The following RALYL variants were observed in gnomAD, a reference collection of about 807,000 sequenced individuals.
RALYL encodes the protein RNA-binding Raly-like protein.
RALYL carries 29 observed loss-of-function variants against 35.1 expected under a neutral mutation model. The observed-to-expected ratio is 0.83, with a 90% CI of 0.61 to 1.13. The LOEUF (loss-of-function observed/expected upper bound fraction) is 1.13. RALYL is among the 50% of genes most tolerant of loss of function. The pLI is 0.00. For missense variants in RALYL, 359 were observed against 360.4 expected, an observed-to-expected ratio of 1.00 and a Z score of 0.03; for synonymous variants, 120 against 127.6, an observed-to-expected ratio of 0.94 and a Z score of 0.40.
chr8:84,725,925 C>T (rs1043404316), intron 2 of RALYL, among the ~76,000 whole-genome samples: 5 of 151,384 alleles, frequency 3.3e-5, no homozygotes, highest in Admixed American at 1.3e-4. Context: ...TCATCAGTTT[C>T]GTTTAAATTT....
chr8:84,390,433 G>A (rs954931694), intron 1 of RALYL, among the ~76,000 whole-genome samples: 2 of 152,032 alleles, frequency 1.3e-5, no homozygotes, highest in African/African-American at 2.4e-5. Context: ...ATTCCTCCTT[G>A]TACCTCTGGT....
At chr8:84,696,647 T>C (rs969562964) in intron 2 of RALYL, among the ~76,000 whole-genome samples, 6 of 151,666 alleles carry the variant, frequency 4.0e-5, no homozygotes, top group Non-Finnish European at 8.9e-5. Context: ...TTTGCCAAAC[T>C]AAAGAAGTTT....
intron 2 of RALYL, among the ~76,000 whole-genome samples, chr8:84,695,186 T>C (rs1838886379): frequency 2.0e-5 from 3 of 151,818 alleles, no homozygotes; most frequent in Admixed American, 2.0e-4. Flanking sequence ...TTTACACATA[T>C]GTTTCAGCAG....
chr8:84,193,561 G>T (rs1814507386), intron 1 of RALYL, among the ~76,000 whole-genome samples: 1 of 152,174 alleles, frequency 6.6e-6, no homozygotes, highest in Non-Finnish European at 1.5e-5. Context: ...AATGCTGACT[G>T]CAAAGAGTTT....
At chr8:84,389,246 C>G (rs1860014994) in intron 1 of RALYL, among the ~76,000 whole-genome samples, 2 of 152,034 alleles carry the variant, frequency 1.3e-5, no homozygotes, top group South Asian at 4.1e-4. Context: ...GTTACTGTAG[C>G]CTTGTAGTAT....
intron 2 of RALYL, among the ~76,000 whole-genome samples, chr8:84,686,972 T>G (rs139398392): frequency 6.6e-6 from 1 of 152,300 alleles, no homozygotes; most frequent in Non-Finnish European, 1.5e-5. Context: ...CATTAAATAT[T>G]ACAAATAGTC....
chr8:84,838,856 C>T (rs1328253609), intron 4 of RALYL, among the ~76,000 whole-genome samples: 1 of 152,200 alleles, frequency 6.6e-6, no homozygotes, highest in Non-Finnish European at 1.5e-5. Flanking sequence ...TTACTGTCAT[C>T]TATATTAATA....
chr8:84,346,176 A>G, intron 1 of RALYL: 1 of 496,064 alleles, frequency 2.0e-6, no homozygotes, highest in Non-Finnish European at 2.6e-6. Context: ...ATGTTTGAAT[A>G]AAATATTGCA....
chr8:84,799,990 G>A (rs1168850856), intron 3 of RALYL, among the ~76,000 whole-genome samples: 1 of 152,010 alleles, frequency 6.6e-6, no homozygotes, highest in East Asian at 1.9e-4. Context: ...AATAAGGGAG[G>A]AAGACAGTAA....
chr8:84,289,349 G>A (rs1838312597), intron 1 of RALYL, among the ~76,000 whole-genome samples: 1 of 152,124 alleles, frequency 6.6e-6, no homozygotes, highest in Non-Finnish European at 1.5e-5. Flanking sequence ...AAAAAATGCT[G>A]TAAGAAAAGG....
intron 2 of RALYL, among the ~76,000 whole-genome samples, chr8:84,750,421 C>T (rs1809688483): frequency 6.6e-6 from 1 of 151,864 alleles, no homozygotes; most frequent in South Asian, 2.1e-4. Context: ...TTGTTTTTAC[C>T]CCTTGTGTGA....
chr8:84,688,927 G>A (rs1000416977), intron 2 of RALYL, among the ~76,000 whole-genome samples: 3 of 151,922 alleles, frequency 2.0e-5, no homozygotes, highest in African/African-American at 7.2e-5. Context: ...AATTTCTCAA[G>A]AGAAGACATA....
intron 2 of RALYL, among the ~76,000 whole-genome samples, chr8:84,539,444 G>A (rs976873780): frequency 2.0e-5 from 3 of 151,982 alleles, no homozygotes; most frequent in East Asian, 1.9e-4. Context: ...GGTGTTGGTC[G>A]TGTTACAAGA....
At chr8:84,464,814 C>T (rs1423731545) in intron 1 of RALYL, among the ~76,000 whole-genome samples, 1 of 146,688 alleles carries the variant, frequency 6.8e-6, no homozygotes, top group African/African-American at 2.5e-5. Flanking sequence ...TGTTTCCTGA[C>T]TTTTTAATGA....
At chr8:84,722,918 A>C (rs1234330960) in intron 2 of RALYL, among the ~76,000 whole-genome samples, 1 of 151,732 alleles carries the variant, frequency 6.6e-6, no homozygotes, top group Non-Finnish European at 1.5e-5. Flanking sequence ...CACTTCACTT[A>C]CTTTTTGAGC....
chr8:84,371,572 C>CACACAGAAAGAGAGAGAG (rs60104734), intron 1 of RALYL, among the ~76,000 whole-genome samples: 107 of 147,462 alleles, frequency 7.3e-4, no homozygotes, highest in African/African-American at 2.6e-3. Context: ...CACACACACA[C>CACACAGAAAGAGAGAGAG]AGAAAGAGAG....
intron 1 of RALYL, among the ~76,000 whole-genome samples, chr8:84,219,688 A>G (rs1821708017): frequency 6.6e-6 from 1 of 152,172 alleles, no homozygotes; most frequent in East Asian, 1.9e-4. Context: ...GCAACATAGC[A>G]TAACTGAGTA....
At chr8:84,697,360 T>A (rs1839349231) in intron 2 of RALYL, among the ~76,000 whole-genome samples, 1 of 152,000 alleles carries the variant, frequency 6.6e-6, no homozygotes, top group African/African-American at 2.4e-5. Flanking sequence ...TTCAAAATTG[T>A]TTGGTTATGT....
chr8:84,580,025 A>G (rs1301084716), intron 2 of RALYL, among the ~76,000 whole-genome samples: 2 of 152,218 alleles, frequency 1.3e-5, no homozygotes, highest in African/African-American at 4.8e-5. Context: ...ATGTAAAATT[A>G]TTGAGATAAT....
Sources: allele counts gnomAD v4.1 joint callset (sites outside exome capture counted in the v4.1 genomes callset), GRCh38; gene constraint gnomAD v4.1.1; transcripts MANE v1.5; gene names NCBI Gene and HGNC (gene_info 2026-07-23, HGNC 2026-07-21).